The following CNTN6 variants were observed in gnomAD, a reference collection of about 807,000 sequenced individuals.
CNTN6 encodes contactin 6.
CNTN6 carries 137 observed loss-of-function variants against 122.8 expected under a neutral mutation model. The observed-to-expected ratio is 1.12, with a 90% CI of 0.97 to 1.29. The LOEUF is 1.29. Ranked by LOEUF, CNTN6 falls within the 50% of genes most tolerant of loss-of-function variation. CNTN6 has a pLI of 0.00. For missense variants in CNTN6, 1,634 were observed against 1,223.4 expected, an observed-to-expected ratio of 1.34 and a Z score of -5.01; for synonymous variants, 570 against 426.0, an observed-to-expected ratio of 1.34 and a Z score of -4.16.
intron 20 of CNTN6, among the ~76,000 whole-genome samples, chr3:1,394,977 G>A (rs1201149457): frequency 4.6e-5 from 7 of 152,234 alleles, no homozygotes; most frequent in South Asian, 4.1e-4. Flanking sequence ...GAAGATTAGC[G>A]TTCCTTTAAG....
chr3:1,379,366 A>G (rs949390808), intron 17 of CNTN6, among the ~76,000 whole-genome samples: 1 of 152,092 alleles, frequency 6.6e-6, no homozygotes. Context: ...ATATCCCACA[A>G]TGCTTAAAAT....
At chr3:1,394,169 C>A in intron 20 of CNTN6, 1 of 199,524 alleles carries the variant, frequency 5.0e-6, no homozygotes, top group Non-Finnish European at 1.0e-5. Flanking sequence ...AGAACTGCTC[C>A]TTGCTGCTGG....
chr3:1,321,062 G>C (rs1000715892), intron 7 of CNTN6, among the ~76,000 whole-genome samples: 10 of 151,462 alleles, frequency 6.6e-5, no homozygotes, highest in African/African-American at 2.2e-4. Flanking sequence ...CTATTTACCA[G>C]TTCATATGGG....
chr3:1,172,453 A>G (rs930429610), intron 2 of CNTN6, among the ~76,000 whole-genome samples: 1 of 152,230 alleles, frequency 6.6e-6, no homozygotes, highest in South Asian at 2.1e-4. Flanking sequence ...TTTAATCTGT[A>G]TAGTGAAACT....
At chr3:1,298,920 C>T (rs1264463538) in intron 7 of CNTN6, among the ~76,000 whole-genome samples, 2 of 152,118 alleles carry the variant, frequency 1.3e-5, no homozygotes, top group African/African-American at 4.8e-5. Context: ...ATGTGGCCCT[C>T]ACATTTAGAA....
At position 1,402,472 on chromosome 3, in the gene CNTN6, T is replaced by C. The variant is rs201627899; in HGVS notation, c.2972T>C (p.Ile991Thr). Residue 991 changes from isoleucine to threonine, a missense_variant, in exon 22 of 23, where the codon ATT becomes ACT. Coordinates refer to ENST00000446702, the MANE Select transcript of CNTN6 (RefSeq NM_001289080.2). The part of the protein sequence containing the change: ...GDGSSSEEIR[I>T]PKMSSLSSRG... Reference sequence around the variant, plus strand: ...GGAAGCAGCAGTGAGGAAATTAGGATTCCAAAAATGTCAAGTAAGTTGAGT... The same window carrying C: ...GGAAGCAGCAGTGAGGAAATTAGGACTCCAAAAATGTCAAGTAAGTTGAGT... The C allele has an allele frequency of 5.6e-6, 9 of 1,608,268 alleles. No homozygotes were observed. Among genetic ancestry groups the C allele is most frequent in the South Asian group, 5.5e-5 (5 of 90,610 alleles).
intron 1 of CNTN6, among the ~76,000 whole-genome samples, chr3:1,129,537 T>C (rs955275630): frequency 3.9e-5 from 6 of 152,118 alleles, no homozygotes; most frequent in Non-Finnish European, 7.4e-5. Context: ...GCACAGTCAC[T>C]TTGCATTTTT....
chr3:1,143,125 G>A lies in CNTN6; in HGVS notation c.-82-4802G>A, dbSNP rs376184752. On this transcript the variant is annotated intron_variant, in intron 1 of 22. Transcript: ENST00000446702. ...TAAGCAACCACACATTGCTTGGTGT[G>A]TATTGCCTGGGGACAGTTCTCTGCC... 1.6e-3 allele frequency among the ~76,000 whole-genome samples: 239 copies of A among 151,874 alleles called. 1 individual carries two copies. The highest frequency in any genetic ancestry group is 5.6e-3 in the African/African-American group (233 of 41,464).
chr3:1,243,832 C>T (rs1017739106), intron 4 of CNTN6, among the ~76,000 whole-genome samples: 2 of 151,928 alleles, frequency 1.3e-5, no homozygotes, highest in Middle Eastern at 3.2e-3. Flanking sequence ...CAATGAGCAG[C>T]TTGGGGAGGA....
chr3:1,391,763 A>G (rs1253299825), intron 20 of CNTN6, among the ~76,000 whole-genome samples: 1 of 150,138 alleles, frequency 6.7e-6, no homozygotes, highest in African/African-American at 2.5e-5. Context: ...CACCAACAAC[A>G]GACAAACAGA....
chr3:1,291,503 A>T (rs17211744), intron 5 of CNTN6, among the ~76,000 whole-genome samples: 5,580 of 152,284 alleles, frequency 0.037, 158 homozygotes, highest in South Asian at 0.064. Context: ...GATTTCAGAG[A>T]GCTAAAGCGT....
chr3:1,392,023 A>G (rs1386031613), intron 20 of CNTN6, among the ~76,000 whole-genome samples: 18 of 152,074 alleles, frequency 1.2e-4, no homozygotes, highest in Non-Finnish European at 2.2e-4. Context: ...CCAAGCCACC[A>G]ATGACTTTCT....
intron 20 of CNTN6, among the ~76,000 whole-genome samples, chr3:1,391,405 CA>C (rs1694124712): frequency 9.0e-6 from 1 of 111,434 alleles, no homozygotes; most frequent in Non-Finnish European, 1.8e-5. Flanking sequence ...GGACATATTT[CA>C]AAATAATAAG....
chr3:1,321,958 G>A, intron 8 of CNTN6, 124 bp downstream of exon 8: 3 of 771,772 alleles, frequency 3.9e-6, no homozygotes, highest in Non-Finnish European at 6.2e-6. Context: ...ATATTTCCGG[G>A]TTTAGATGCT....
At chr3:1,231,224 G>A (rs1203837705) in intron 4 of CNTN6, among the ~76,000 whole-genome samples, 5 of 152,124 alleles carry the variant, frequency 3.3e-5, no homozygotes, top group Admixed American at 1.3e-4. Context: ...TGAGATTGCC[G>A]ATCTACTTAC....
chr3:1,157,714 T>C (rs1421032750), intron 2 of CNTN6, among the ~76,000 whole-genome samples: 1 of 152,090 alleles, frequency 6.6e-6, no homozygotes, highest in Non-Finnish European at 1.5e-5. Context: ...AGTTCAATTG[T>C]TTTCATTTTT....
chr3:1,341,689 G>A (rs1354982149), intron 11 of CNTN6, among the ~76,000 whole-genome samples: 1 of 152,072 alleles, frequency 6.6e-6, no homozygotes. Context: ...AATTTTTTGT[G>A]TATATTAAAC....
At chr3:1,291,874 A>G (rs2125848681) in intron 5 of CNTN6, among the ~76,000 whole-genome samples, 1 of 152,298 alleles carries the variant, frequency 6.6e-6, no homozygotes, top group South Asian at 2.1e-4. Flanking sequence ...TGAGAACAGC[A>G]CGAGCATCTC....
chr3:1,352,260 A>C, intron 11 of CNTN6, 64 bp from the exon 12 acceptor site: 1 of 1,350,956 alleles, frequency 7.4e-7, no homozygotes, highest in Non-Finnish European at 9.9e-7. Flanking sequence ...AAATAAAAAT[A>C]AGCACTTATG....
Sources: allele counts gnomAD v4.1 joint callset (sites outside exome capture counted in the v4.1 genomes callset), GRCh38; gene constraint gnomAD v4.1.1; transcripts MANE v1.5; gene names NCBI Gene and HGNC (gene_info 2026-07-23, HGNC 2026-07-21).